The following FANCL variants were observed in gnomAD, a reference collection of about 807,000 sequenced individuals.
FANCL encodes E3 ubiquitin-protein ligase FANCL.
In FANCL, 69 loss-of-function variants were observed where a neutral mutation model predicts 59.4. The observed-to-expected ratio is 1.16, with a 90% CI of 0.96 to 1.42. The LOEUF (loss-of-function observed/expected upper bound fraction) is 1.42, where lower values mean the gene tolerates loss of function less well. FANCL is among the 40% of genes most tolerant of loss of function. FANCL has a pLI of 0.00. For synonymous variants in FANCL, 180 were observed against 147.1 expected (o/e 1.22, Z -1.62); for missense variants, 519 against 447.2 (o/e 1.16, Z -1.45).
At chr2:58,190,004 A>T (rs910986926) in intron 7 of FANCL, among the ~76,000 whole-genome samples, 2 of 152,096 alleles carry the variant, frequency 1.3e-5, no homozygotes, top group Non-Finnish European at 2.9e-5. Context: ...GCTTTTTAAG[A>T]AATTTAATTT....
At chr2:58,166,697 C>T (rs1166966574) in intron 7 of FANCL, among the ~76,000 whole-genome samples, 1 of 152,158 alleles carries the variant, frequency 6.6e-6, no homozygotes, top group South Asian at 2.1e-4. Context: ...TCACATACTA[C>T]AAACGTTTTC....
At chr2:58,200,111 A>G (rs1670031598) in intron 6 of FANCL, among the ~76,000 whole-genome samples, 2 of 151,942 alleles carry the variant, frequency 1.3e-5, no homozygotes, top group South Asian at 4.1e-4. Flanking sequence ...TGGAAAAAAA[A>G]AAAAAGAAAA....
intron 5 of FANCL, among the ~76,000 whole-genome samples, 190 bp downstream of exon 5, chr2:58,221,752 T>C (rs1692501428): frequency 6.6e-6 from 1 of 152,198 alleles, no homozygotes; most frequent in African/African-American, 2.4e-5. Context: ...ATATTTAGCA[T>C]TTTACTTTGT....
At chr2:58,229,450 C>A (rs1028964449) in intron 3 of FANCL, among the ~76,000 whole-genome samples, 2 of 152,148 alleles carry the variant, frequency 1.3e-5, no homozygotes, top group African/African-American at 4.8e-5. Context: ...TGTTGCTAAT[C>A]TAGGACTAAA....
intron 6 of FANCL, among the ~76,000 whole-genome samples, chr2:58,203,838 G>A (rs541938344): frequency 2.6e-5 from 4 of 152,126 alleles, no homozygotes; most frequent in South Asian, 4.1e-4. Context: ...CATGTTACAT[G>A]TAGGATGTTA....
At chr2:58,180,646 T>C (rs1687844984) in intron 7 of FANCL, among the ~76,000 whole-genome samples, 1 of 152,110 alleles carries the variant, frequency 6.6e-6, no homozygotes, top group African/African-American at 2.4e-5. Context: ...CCATGGCACG[T>C]GTATACCTAT....
chr2:58,232,340 C>T (rs1383304452), intron 1 of FANCL, among the ~76,000 whole-genome samples: 1 of 151,958 alleles, frequency 6.6e-6, no homozygotes. Context: ...GAAATCAAAA[C>T]ACTCAGATAA....
At chr2:58,214,756 C>A (rs1040132056) in intron 5 of FANCL, among the ~76,000 whole-genome samples, 3 of 151,998 alleles carry the variant, frequency 2.0e-5, no homozygotes, top group African/African-American at 7.3e-5. Context: ...AAGTGATCTG[C>A]CCCACCTCAG....
downstream of FANCL, chr2:58,159,243 T>C: frequency 2.4e-6 from 2 of 849,700 alleles, no homozygotes. Context: ...ACGCAAAAAC[T>C]TGATCTTGTA....
intron 7 of FANCL, among the ~76,000 whole-genome samples, chr2:58,197,411 C>G (rs1285506447): frequency 6.6e-6 from 1 of 152,010 alleles, no homozygotes; most frequent in African/African-American, 2.4e-5. Flanking sequence ...TAAAATGTCA[C>G]TAGAAATGTT....
At chr2:58,222,084 G>T (rs1288964413) in intron 4 of FANCL, 42 bp from the exon 5 acceptor site, 2 of 1,367,302 alleles carry the variant, frequency 1.5e-6, no homozygotes, top group South Asian at 2.3e-5. Context: ...TGGAACGCAA[G>T]ACAATGAACT....
At chr2:58,183,005 A>G (rs2104974983) in intron 7 of FANCL, among the ~76,000 whole-genome samples, 1 of 151,944 alleles carries the variant, frequency 6.6e-6, no homozygotes, top group South Asian at 2.1e-4. Flanking sequence ...GATAATGAAG[A>G]TAAAATGTCA....
At chr2:58,232,530 A>G (rs1693680219) in intron 1 of FANCL, among the ~76,000 whole-genome samples, 1 of 152,100 alleles carries the variant, frequency 6.6e-6, no homozygotes. Flanking sequence ...GATATATAAC[A>G]TTATATAGTC....
chr2:58,219,519 G>C (rs545543132), intron 5 of FANCL, among the ~76,000 whole-genome samples: 22 of 151,712 alleles, frequency 1.5e-4, no homozygotes, highest in South Asian at 8.3e-4. Flanking sequence ...TGTGGAGAGA[G>C]AGAAAAAAAC....
intron 9 of FANCL, 31 bp from the exon 10 acceptor site, chr2:58,163,105 T>G: frequency 1.9e-6 from 3 of 1,557,794 alleles, no homozygotes; most frequent in Non-Finnish European, 2.6e-6. Context: ...ATTTAATAAT[T>G]GCATGCTCTA....
rs569183812 is a variant in FANCL, at chr2:58,173,390, G to C, written c.541-7516C>G. Among the ~76,000 whole-genome samples the C allele has an allele frequency of 6.4e-4, 98 of 152,288 alleles. 2 individuals are homozygous for C. Among genetic ancestry groups the C allele is most frequent in the Non-Finnish European group, 7.3e-4 (50 of 68,034 alleles). ...AATGTTAAGGGCAGCCAGAGAGAAA[G>C]GTCGGGTTACCCACAAAGGGAAGCC... On this transcript the variant is annotated intron_variant, in intron 7 of 13. Transcript: ENST00000233741.
chr2:58,223,140 GA>G (rs796713283), intron 4 of FANCL, among the ~76,000 whole-genome samples: 186 of 134,250 alleles, frequency 1.4e-3, no homozygotes, highest in Non-Finnish European at 1.7e-3. Context: ...GCTTTATGAT[GA>G]AAAAAAAAAA....
intron 7 of FANCL, among the ~76,000 whole-genome samples, chr2:58,181,559 A>G (rs1687941915): frequency 6.6e-6 from 1 of 152,060 alleles, no homozygotes; most frequent in African/African-American, 2.4e-5. Context: ...TGCCGATGAC[A>G]TATTTTGAAG....
At chr2:58,233,536 G>C (rs1395244143) in intron 1 of FANCL, among the ~76,000 whole-genome samples, 3 of 151,904 alleles carry the variant, frequency 2.0e-5, no homozygotes, top group Non-Finnish European at 2.9e-5. Context: ...ACCATATTAA[G>C]AATAAATAAA....
Sources: gnomAD v4.1 joint callset for allele counts (sites outside exome capture counted in the v4.1 genomes callset) on GRCh38, gnomAD v4.1.1 for gene constraint, MANE v1.5 for transcripts, NCBI Gene and HGNC (gene_info 2026-07-23, HGNC 2026-07-21) for gene names.